The following AFF3 variants were observed in gnomAD, a reference collection of about 807,000 sequenced individuals.
AFF3 encodes the protein AF4/FMR2 family member 3.
Under a neutral mutation model 129.7 loss-of-function variants are expected in AFF3, and 32 were observed. The observed-to-expected ratio is 0.25, with a 90% CI of 0.19 to 0.33. The LOEUF (loss-of-function observed/expected upper bound fraction) is 0.33. Among genes scored for constraint, AFF3 ranks in the 10% least tolerant of loss-of-function variants. The pLI is 1.00. For missense variants in AFF3, 1,373 were observed against 1,592.0 expected (o/e 0.86, Z 2.34); for synonymous variants, 644 against 635.4 (o/e 1.01, Z -0.20).
In AFF3 at chr2:99,667,127, A is replaced by G. The variant is rs1255618078; in HGVS notation, c.1143+5411T>C. On this transcript the variant is annotated intron_variant, in intron 12 of 24. Transcript: ENST00000672756. ...TATAAAACATATACCAATACAAACC[A>G]TATCTTGGGTCATAAAAAATCCTCA... Among the ~76,000 whole-genome samples the G allele has an allele frequency of 2.0e-5, 3 of 152,174 alleles. No homozygotes were observed. In the East Asian group the frequency reaches 5.8e-4, roughly 29 times the overall value.
rs112590777 is a variant in AFF3, at chr2:99,761,631, G to A, written c.922-9330C>T. On this transcript the variant is annotated intron_variant, in intron 8 of 24. Transcript: ENST00000672756. ...AATTTTAGCCTCAAGTTAAATCTTC[G>A]AGTTCAGAGTGTGCAGCTATGAAGA... 1.4e-3 allele frequency among the ~76,000 whole-genome samples: 209 copies of A among 152,296 alleles called. 1 individual carries two copies. Among genetic ancestry groups the A allele is most frequent in the African/African-American group, 4.8e-3 (199 of 41,552 alleles).
intron 4 of AFF3, among the ~76,000 whole-genome samples, chr2:100,088,348 T>C (rs2576678): frequency 0.52 from 78,839 of 151,758 alleles, 21,000 homozygotes; most frequent in African/African-American, 0.62. Context: ...AATCAATATA[T>C]AAAAAAGAAA....
chr2:99,746,163 C>T (rs368720923), intron 9 of AFF3, among the ~76,000 whole-genome samples: 5 of 148,806 alleles, frequency 3.4e-5, no homozygotes, highest in African/African-American at 5.0e-5. Context: ...CACAAGAATG[C>T]GTGAATAGGA....
intron 4 of AFF3, among the ~76,000 whole-genome samples, chr2:100,015,144 T>G (rs1403597409): frequency 6.6e-6 from 1 of 151,930 alleles, no homozygotes; most frequent in Non-Finnish European, 1.5e-5. Flanking sequence ...TCATTTAAAG[T>G]TTCATTTATG....
chr2:99,796,674 T>C (rs541894670), intron 8 of AFF3, among the ~76,000 whole-genome samples: 36 of 152,290 alleles, frequency 2.4e-4, no homozygotes, highest in Non-Finnish European at 5.0e-4. Context: ...GAGAGAATCT[T>C]GAATATCTGC....
intron 4 of AFF3, among the ~76,000 whole-genome samples, chr2:100,079,316 A>T (rs1055170108): frequency 9.2e-5 from 14 of 152,184 alleles, no homozygotes; most frequent in African/African-American, 3.4e-4. Context: ...TGGAGGGCCA[A>T]CTGTATCATG....
intron 7 of AFF3, among the ~76,000 whole-genome samples, chr2:99,910,196 A>G (rs923007874): frequency 6.6e-6 from 1 of 152,212 alleles, no homozygotes; most frequent in Non-Finnish European, 1.5e-5. Context: ...CATTCAGGAG[A>G]AAAGCACTCT....
chr2:100,055,117 C>T (rs533694312), intron 4 of AFF3, among the ~76,000 whole-genome samples: 2 of 152,260 alleles, frequency 1.3e-5, no homozygotes, highest in Non-Finnish European at 2.9e-5. Flanking sequence ...CTGCAGTTAA[C>T]CCTTAACTCA....
intron 2 of AFF3, chr2:100,107,261 G>C (rs1691343390): frequency 2.0e-6 from 2 of 985,262 alleles, no homozygotes; most frequent in African/African-American, 1.7e-5. Context: ...ATGTAGAACA[G>C]TTAGTGAGAG....
At chr2:100,091,952 G>A (rs1457451088) in intron 4 of AFF3, among the ~76,000 whole-genome samples, 27 of 146,852 alleles carry the variant, frequency 1.8e-4, no homozygotes, top group Admixed American at 1.5e-3. Flanking sequence ...CCTCTTCACC[G>A]GCTGCTTTCC....
At chr2:99,855,729 C>T (rs1322454996) in intron 7 of AFF3, among the ~76,000 whole-genome samples, 1 of 152,136 alleles carries the variant, frequency 6.6e-6, no homozygotes, top group Non-Finnish European at 1.5e-5. Context: ...GAGCGTAACT[C>T]CCCAGTCCTT....
intron 4 of AFF3, among the ~76,000 whole-genome samples, chr2:100,038,062 C>T (rs561696367): frequency 6.6e-6 from 1 of 151,690 alleles, no homozygotes; most frequent in African/African-American, 2.4e-5. Flanking sequence ...AAACTCTAGG[C>T]TTTATTTCTT....
intron 22 of AFF3, among the ~76,000 whole-genome samples, chr2:99,556,915 G>GAA (rs771684956): frequency 7.4e-6 from 1 of 135,688 alleles, no homozygotes; most frequent in Non-Finnish European, 1.6e-5. Flanking sequence ...GAACGGGACA[G>GAA]AAAAAAAAAA....
intron 13 of AFF3, among the ~76,000 whole-genome samples, chr2:99,618,902 A>ATTCG (rs1328070218): frequency 1.3e-5 from 2 of 151,764 alleles, no homozygotes; most frequent in Non-Finnish European, 2.9e-5. Context: ...CGATTCATTC[A>ATTCG]TTCATTCATT....
chr2:100,093,166 G>A (rs1690003527), intron 4 of AFF3, among the ~76,000 whole-genome samples: 2 of 151,394 alleles, frequency 1.3e-5, no homozygotes, highest in Admixed American at 6.6e-5. Context: ...GAGTGCAGTG[G>A]TGCAATCATG....
intron 8 of AFF3, among the ~76,000 whole-genome samples, chr2:99,762,125 CTTTT>C (rs113479774): frequency 7.2e-6 from 1 of 138,162 alleles, no homozygotes. Flanking sequence ...ATCAATGCCA[CTTTT>C]TTTTTTTTTT....
chr2:99,690,115 A>G (rs1163293390), intron 11 of AFF3, among the ~76,000 whole-genome samples: 1 of 148,564 alleles, frequency 6.7e-6, no homozygotes, highest in African/African-American at 2.5e-5. Context: ...CCCACCCCCA[A>G]AAAAACCCCA....
chr2:99,778,192 C>T (rs573425022), intron 8 of AFF3, among the ~76,000 whole-genome samples: 3 of 152,140 alleles, frequency 2.0e-5, no homozygotes, highest in South Asian at 2.1e-4. Context: ...TCTGTCTGCC[C>T]GGAACACCCT....
chr2:99,979,936 A>C (rs1457088080), intron 7 of AFF3, among the ~76,000 whole-genome samples: 1 of 152,206 alleles, frequency 6.6e-6, no homozygotes, highest in East Asian at 1.9e-4. Context: ...GTAGATACGC[A>C]AACATGGCTC....
Sources: gnomAD v4.1 joint callset for allele counts (sites outside exome capture counted in the v4.1 genomes callset) on GRCh38, gnomAD v4.1.1 for gene constraint, MANE v1.5 for transcripts, NCBI Gene and HGNC (gene_info 2026-07-23, HGNC 2026-07-21) for gene names.